ZSCAN5A: variants seen among roughly 807,000 people sequenced by gnomAD.
The protein encoded by ZSCAN5A is zinc finger and SCAN domain-containing protein 5A.
A neutral mutation model predicts 23.7 loss-of-function variants in ZSCAN5A; 12 were observed. The observed-to-expected ratio is 0.51, with a 90% CI of 0.32 to 0.82. The LOEUF (loss-of-function observed/expected upper bound fraction) is 0.82. Ranked by LOEUF, ZSCAN5A falls within the 40% of genes least tolerant of loss-of-function variation. The probability of loss-of-function intolerance (pLI) is 0.03; values close to 1 mark genes in which losing one functional copy is unlikely to be tolerated. For synonymous variants in ZSCAN5A, 257 were observed against 239.9 expected (o/e 1.07, Z -0.66); for missense variants, 597 against 617.9 (o/e 0.97, Z 0.36).
intron 2 of ZSCAN5A, among the ~76,000 whole-genome samples, chr19:56,272,449 C>T (rs904676591): frequency 6.6e-6 from 1 of 152,144 alleles, no homozygotes; most frequent in African/African-American, 2.4e-5. Flanking sequence ...CACTGAAATT[C>T]ACATTCTATA....
chr19:56,223,891 T>C (rs1195595857), intron 3 of ZSCAN5A, 57 bp from the exon 4 acceptor site: 2 of 1,487,652 alleles, frequency 1.3e-6, no homozygotes, highest in Non-Finnish European at 9.2e-7. Flanking sequence ...GTAGCTCTCA[T>C]ATTCCCTGGG....
At chr19:56,318,231 C>CT (rs35648605), upstream of ZSCAN5A, among the ~76,000 whole-genome samples, 14,469 of 148,750 alleles carry the variant, frequency 0.097, 741 homozygotes, top group South Asian at 0.15. Flanking sequence ...ACTTCACCAG[C>CT]TTTTTTTTTT....
chr19:56,254,163 T>G (rs1361882447), intron 2 of ZSCAN5A, among the ~76,000 whole-genome samples: 1 of 152,036 alleles, frequency 6.6e-6, no homozygotes, highest in Non-Finnish European at 1.5e-5. Flanking sequence ...TCTTGTACTC[T>G]ACTAGAATGT....
intron 2 of ZSCAN5A, among the ~76,000 whole-genome samples, chr19:56,260,552 T>C (rs755559027): frequency 4.6e-4 from 70 of 152,224 alleles, no homozygotes; most frequent in South Asian, 1.7e-3. Context: ...TTCTTTTTTT[T>C]CCCTCTGGTG....
At chr19:56,317,816 AGT>A (rs2147418281), upstream of ZSCAN5A, 1 of 152,468 alleles carries the variant, frequency 6.6e-6, no homozygotes, top group African/African-American at 2.4e-5. Context: ...TGACTATGGG[AGT>A]GTTTTGGTGC....
At chr19:56,314,319 C>G (rs1206828965) in intron 1 of ZSCAN5A, 4 of 152,170 alleles carry the variant, frequency 2.6e-5, no homozygotes, top group Non-Finnish European at 4.4e-5. Flanking sequence ...ACCTAGTTAA[C>G]CTGGCGACAG....
At chr19:56,242,101 C>G (rs2035474520) in intron 2 of ZSCAN5A, among the ~76,000 whole-genome samples, 1 of 152,288 alleles carries the variant, frequency 6.6e-6, no homozygotes, top group Admixed American at 6.5e-5. Flanking sequence ...TTTCAATTTT[C>G]TGAGGAGCTT....
intron 2 of ZSCAN5A, among the ~76,000 whole-genome samples, chr19:56,238,642 C>T (rs1211278521): frequency 6.6e-6 from 1 of 151,968 alleles, no homozygotes; most frequent in Non-Finnish European, 1.5e-5. Flanking sequence ...AAAAATAAAT[C>T]AATCAATAAA....
intron 1 of ZSCAN5A, among the ~76,000 whole-genome samples, chr19:56,367,697 C>T (rs188133123): frequency 1.3e-5 from 2 of 152,164 alleles, no homozygotes; most frequent in African/African-American, 2.4e-5. Context: ...AATATTGTTC[C>T]GTGCACACAT....
chr19:56,260,340 T>C (rs965159598), intron 2 of ZSCAN5A, among the ~76,000 whole-genome samples: 10 of 151,260 alleles, frequency 6.6e-5, no homozygotes, highest in Non-Finnish European at 1.5e-4. Flanking sequence ...TTAGCCTTCC[T>C]AGTAGCTGGG....
intron 2 of ZSCAN5A, among the ~76,000 whole-genome samples, chr19:56,349,666 C>CGGGAGGT (rs2041655410): frequency 7.5e-6 from 1 of 133,466 alleles, no homozygotes; most frequent in Non-Finnish European, 1.5e-5. Flanking sequence ...GATCACACCA[C>CGGGAGGT]TGCACTCCAG....
intron 2 of ZSCAN5A, among the ~76,000 whole-genome samples, chr19:56,303,427 A>G (rs1451500187): frequency 1.3e-5 from 2 of 151,726 alleles, no homozygotes; most frequent in Admixed American, 1.3e-4. Context: ...GCAGTGAGCC[A>G]AGATCACACC....
At chr19:56,278,115 T>TA (rs397957648) in intron 2 of ZSCAN5A, among the ~76,000 whole-genome samples, 2 of 150,084 alleles carry the variant, frequency 1.3e-5, no homozygotes, top group African/African-American at 2.4e-5. Context: ...TTTTTTTTTT[T>TA]AGCTTTATGT....
At chr19:56,227,549 T>A (rs1026124631) in intron 2 of ZSCAN5A, among the ~76,000 whole-genome samples, 3 of 152,160 alleles carry the variant, frequency 2.0e-5, no homozygotes, top group African/African-American at 7.2e-5. Context: ...TTGTATTTGA[T>A]CTTAGTTCAT....
chr19:56,250,933 G>A (rs1007778204), intron 2 of ZSCAN5A, among the ~76,000 whole-genome samples: 1 of 152,076 alleles, frequency 6.6e-6, no homozygotes, highest in Non-Finnish European at 1.5e-5. Context: ...GGCAGATCAC[G>A]AGGGCAAAAG....
chr19:56,247,941 C>T (rs1482113450), intron 2 of ZSCAN5A, among the ~76,000 whole-genome samples: 5 of 152,204 alleles, frequency 3.3e-5, no homozygotes, highest in Non-Finnish European at 5.9e-5. Flanking sequence ...CCGCCCGCCT[C>T]ACCCTCCCAA....
chr19:56,351,331 G>A lies in ZSCAN5A; in HGVS notation c.-358+11904C>T, dbSNP rs2041666199. Among the ~76,000 whole-genome samples, 1 of 152,068 alleles carries A rather than the reference G, an allele frequency of 6.6e-6. No homozygotes were observed. The highest frequency in any genetic ancestry group is 1.5e-5 in the Non-Finnish European group (1 of 68,024). On this transcript the variant is annotated intron_variant, in intron 2 of 6. Coordinates refer to the ZSCAN5A transcript ENST00000587340. This position sits in a 1 kb window ranked among gnomAD's most constrained non-coding sequence, Gnocchi z 4.8. ...TTCTCCTTGTTACCACCTGTGCAAA[G>A]TGTGAAGGCCACCTCCAAGTAACAC...
chr19:56,322,357 C>A, intron 2 of ZSCAN5A: 1 of 773,228 alleles, frequency 1.3e-6, no homozygotes, highest in Non-Finnish European at 2.4e-6. Flanking sequence ...GATCTGGCTT[C>A]CCCTATTCCA....
chr19:56,258,945 C>A (rs1241794891), intron 2 of ZSCAN5A, among the ~76,000 whole-genome samples: 4 of 152,084 alleles, frequency 2.6e-5, no homozygotes, highest in African/African-American at 7.2e-5. Context: ...ACCTAGCCCA[C>A]GACACACGGA....
Sources: allele counts gnomAD v4.1 joint callset (sites outside exome capture counted in the v4.1 genomes callset), GRCh38; gene constraint gnomAD v4.1.1; non-coding constraint Gnocchi (gnomAD v3.1); transcripts MANE v1.5; gene names NCBI Gene and HGNC (gene_info 2026-07-23, HGNC 2026-07-21).